Variants in FLT1 observed in about 807,000 individuals in gnomAD.
FLT1 encodes the protein vascular endothelial growth factor receptor 1.
Under a neutral mutation model 156.3 loss-of-function variants are expected in FLT1, and 49 were observed. The ratio of observed to expected loss-of-function variants is 0.31; its 90% CI spans 0.25 to 0.40. The LOEUF (loss-of-function observed/expected upper bound fraction) is 0.40. FLT1 is among the 10% of genes least tolerant of loss of function. The probability of loss-of-function intolerance (pLI) is 1.00; values close to 1 mark genes in which losing one functional copy is unlikely to be tolerated. For synonymous variants in FLT1, 594 were observed against 583.8 expected (o/e 1.02, Z -0.25); for missense variants, 1,322 against 1,637.2 (o/e 0.81, Z 3.32).
intron 13 of FLT1, chr13:28,387,496 A>G (rs1874430384): frequency 1.9e-6 from 2 of 1,060,662 alleles, no homozygotes; most frequent in Non-Finnish European, 2.3e-6. Context: ...TGAGAAAATC[A>G]GAATTAACAG....
chr13:28,494,987 T>G lies in FLT1; in HGVS notation c.-144A>C. ...GCGGCTCCAGCCAGGAGACAACCAC[T>G]TCCCCGGGTAATCCTCGCCGCCAGG... is the stretch of plus-strand genomic sequence containing the variant. On this transcript the variant is annotated 5_prime_UTR_variant, in exon 1 of 30. Transcript: ENST00000282397. The G allele has an allele frequency of 8.0e-5, 45 of 560,656 alleles. No homozygotes were observed. The highest frequency in any genetic ancestry group is 1.2e-4 in the Non-Finnish European group (41 of 344,858). 34.7% of individuals were successfully genotyped at this position (560,656 alleles called of 1,614,324 possible).
In FLT1 at chr13:28,429,694, G is replaced by T. The variant is rs562848393; in HGVS notation, c.1106+356C>A. On this transcript the variant is annotated intron_variant, in intron 8 of 29. Transcript: ENST00000282397. Reference sequence around the variant, plus strand: ...CATTACAAGAGCCCACTTCTTCAGGGTTAATAGAGCATGTTACATATTCAA... The same window carrying T: ...CATTACAAGAGCCCACTTCTTCAGGTTTAATAGAGCATGTTACATATTCAA... Among the ~76,000 whole-genome samples, 5 of 152,106 alleles carry T rather than the reference G, an allele frequency of 3.3e-5. No individual in the cohort carries two copies. The South Asian group carries it at 1.0e-3, about 31-fold the overall frequency.
At chr13:28,466,757 A>C (rs756776146) in intron 3 of FLT1, 146 bp downstream of exon 3, 47 of 713,536 alleles carry the variant, frequency 6.6e-5, no homozygotes, top group South Asian at 1.0e-4. Context: ...GACATCCACG[A>C]AAGTGTCTAC....
chr13:28,348,706 G>A (rs1486226427), intron 15 of FLT1, among the ~76,000 whole-genome samples: 1 of 152,112 alleles, frequency 6.6e-6, no homozygotes, highest in Non-Finnish European at 1.5e-5. Context: ...TCAAGAGATC[G>A]AGACCATCCC....
At chr13:28,413,714 CATT>C (rs1301590968) in intron 10 of FLT1, among the ~76,000 whole-genome samples, 1 of 152,098 alleles carries the variant, frequency 6.6e-6, no homozygotes, top group Non-Finnish European at 1.5e-5. Flanking sequence ...TTTAAGCTAT[CATT>C]ATATTTTGTT....
chr13:28,407,728 T>C (rs974686653), intron 10 of FLT1, among the ~76,000 whole-genome samples: 3 of 152,224 alleles, frequency 2.0e-5, no homozygotes, highest in African/African-American at 7.2e-5. Context: ...TTACCAGGTA[T>C]AACCTTATAA....
chr13:28,348,579 T>C (rs1030183059), intron 15 of FLT1, among the ~76,000 whole-genome samples: 20 of 152,068 alleles, frequency 1.3e-4, no homozygotes, highest in Admixed American at 4.6e-4. Context: ...ATATATGTTT[T>C]GCTTTACCTA....
rs2137540740 is a variant in FLT1 at position 28,427,929 on chromosome 13, TA to T, written c.1107-9del. ...GGTAACCCATCTTTTAACCTGTGGT[TA>T]AAAACATGATCAGTAAGTCATTTCA... is the stretch of plus-strand genomic sequence containing the variant. On this transcript the variant is annotated splice_polypyrimidine_tract_variant and intron_variant, in intron 8 of 29. Transcript: ENST00000282397. 3 of 1,613,022 alleles carry T rather than the reference TA, an allele frequency of 1.9e-6. No homozygotes were observed. Among genetic ancestry groups the T allele is most frequent in the Non-Finnish European group, 2.5e-6 (3 of 1,179,028 alleles).
Position 28,427,705 on chromosome 13 carries a change from A to G in FLT1, c.1276+47T>C, listed in dbSNP as rs772990397. On this transcript the variant is annotated intron_variant, in intron 9 of 29. Transcript: ENST00000282397. ...TTTTTGAATTCATAAATGTTCACTA[A>G]TTTGTTGCCTACCAGAACCAGAAGA... 2.0e-6 allele frequency: 3 copies of G among 1,525,946 alleles called. No individual in the cohort carries two copies. In the East Asian group the frequency reaches 6.8e-5, roughly 34 times the overall value. 94.5% of individuals were successfully genotyped at this position (1,525,946 alleles called of 1,614,324 possible). A position where few individuals can be genotyped will look rare whatever the true frequency, so the allele number is the denominator to read the frequency against.
intron 16 of FLT1, 76 bp from the exon 17 acceptor site, chr13:28,339,376 C>T: frequency 6.6e-7 from 1 of 1,509,626 alleles, no homozygotes; most frequent in Non-Finnish European, 9.1e-7. Context: ...TTAACATCCA[C>T]TGTTTTATTT....
At chr13:28,318,119 A>G (rs986011490) in intron 24 of FLT1, among the ~76,000 whole-genome samples, 2 of 151,882 alleles carry the variant, frequency 1.3e-5, no homozygotes, top group African/African-American at 4.8e-5. Context: ...CCATCACCAC[A>G]CTTGGCTTGG....
chr13:28,459,303 C>A (rs1879433946), intron 3 of FLT1, among the ~76,000 whole-genome samples: 1 of 152,174 alleles, frequency 6.6e-6, no homozygotes, highest in African/African-American at 2.4e-5. Context: ...CCCAACCTGT[C>A]TGCACTTGTG....
At chr13:28,432,822 G>A (rs1056913355) in intron 6 of FLT1, among the ~76,000 whole-genome samples, 8 of 152,166 alleles carry the variant, frequency 5.3e-5, no homozygotes, top group Non-Finnish European at 1.0e-4. Flanking sequence ...TGGCACTTAC[G>A]GAGAATATTT....
At chr13:28,323,621 A>G (rs1217718680) in intron 20 of FLT1, among the ~76,000 whole-genome samples, 1 of 147,904 alleles carries the variant, frequency 6.8e-6, no homozygotes, top group East Asian at 2.0e-4. Flanking sequence ...ATTGCACTCT[A>G]GCCTGGCCAA....
intron 3 of FLT1, among the ~76,000 whole-genome samples, chr13:28,459,922 C>G (rs565912504): frequency 6.6e-6 from 1 of 152,246 alleles, no homozygotes; most frequent in Non-Finnish European, 1.5e-5. Flanking sequence ...GCCCACATTC[C>G]TGGTGCATTT....
At chr13:28,465,402 C>T (rs559089239) in intron 3 of FLT1, among the ~76,000 whole-genome samples, 4 of 152,258 alleles carry the variant, frequency 2.6e-5, no homozygotes, top group Admixed American at 2.0e-4. Context: ...GTGGCTCAGT[C>T]AAAATCAGGC....
At chr13:28,387,799 A>G (rs1874455221) in intron 13 of FLT1, 1 of 976,078 alleles carries the variant, frequency 1.0e-6, no homozygotes. Context: ...ACCCACCCAA[A>G]AGTTTCTTTA....
intron 16 of FLT1, among the ~76,000 whole-genome samples, chr13:28,340,329 G>A (rs1356820846): frequency 6.6e-6 from 1 of 152,180 alleles, no homozygotes; most frequent in East Asian, 1.9e-4. Flanking sequence ...AGTGAGTAAG[G>A]CAGACATCTG....
intron 14 of FLT1, among the ~76,000 whole-genome samples, chr13:28,360,386 C>T (rs1331887049): frequency 6.6e-6 from 1 of 152,158 alleles, no homozygotes; most frequent in Non-Finnish European, 1.5e-5. Flanking sequence ...TGTCTGCATT[C>T]CCATGTTTAT....
Sources: gnomAD v4.1 joint callset for allele counts (sites outside exome capture counted in the v4.1 genomes callset) on GRCh38, gnomAD v4.1.1 for gene constraint, MANE v1.5 for transcripts, NCBI Gene and HGNC (gene_info 2026-07-23, HGNC 2026-07-21) for gene names.